The following TPTE2 variants were observed in gnomAD, a reference collection of about 807,000 sequenced individuals.
The protein encoded by TPTE2 is phosphatidylinositol 3,4,5-trisphosphate 3-phosphatase TPTE2.
Under a neutral mutation model 78.6 loss-of-function variants are expected in TPTE2, and 53 were observed. The ratio of observed to expected loss-of-function variants is 0.67; its 90% CI spans 0.54 to 0.85. The LOEUF (loss-of-function observed/expected upper bound fraction) is 0.85, where lower values mean the gene tolerates loss of function less well. Among genes scored for constraint, TPTE2 ranks in the 40% least tolerant of loss-of-function variants. The pLI is 0.00. For synonymous variants in TPTE2, 175 were observed against 206.2 expected, an observed-to-expected ratio of 0.85 and a Z score of 1.30; for missense variants, 461 against 623.0, an observed-to-expected ratio of 0.74 and a Z score of 2.77.
At chr13:19,438,327 C>A in intron 13 of TPTE2, 174 bp from the exon 17 acceptor site, 19 of 985,398 alleles carry the variant, frequency 1.9e-5, no homozygotes, top group Non-Finnish European at 2.2e-5. Flanking sequence ...ACCTCCGCCT[C>A]ACAGGTGAAA....
At chr13:19,559,004 G>A in the TPTE2 span, among the ~76,000 whole-genome samples, 3 of 152,072 alleles carry the variant, frequency 2.0e-5, no homozygotes, top group Non-Finnish European at 4.4e-5. Flanking sequence ...AAAAAGTCTA[G>A]TCAAATAAGA....
At chr13:19,495,940 C>G (rs1881285513) in intron 1 of TPTE2, among the ~76,000 whole-genome samples, 1 of 152,146 alleles carries the variant, frequency 6.6e-6, no homozygotes, top group African/African-American at 2.4e-5. Flanking sequence ...ATGATCTCAG[C>G]TCACTGCAAC....
At chr13:19,558,284 C>G in the TPTE2 span, among the ~76,000 whole-genome samples, 1 of 152,112 alleles carries the variant, frequency 6.6e-6, no homozygotes, top group Non-Finnish European at 1.5e-5. Flanking sequence ...ACCCTAATGC[C>G]CCCAGAATGT....
intron 4 of TPTE2, among the ~76,000 whole-genome samples, chr13:19,478,850 G>A (rs1378559651): frequency 6.6e-6 from 1 of 152,158 alleles, no homozygotes; most frequent in African/African-American, 2.4e-5. Context: ...ATGAGTTCAT[G>A]TCCTTTGTAG....
chr13:19,525,459 C>T (rs765318311), intron 1 of TPTE2, among the ~76,000 whole-genome samples: 6 of 152,272 alleles, frequency 3.9e-5, no homozygotes, highest in Non-Finnish European at 5.9e-5. Context: ...GGACTTCCTA[C>T]TCAACAAATG....
intron 3 of TPTE2, among the ~76,000 whole-genome samples, chr13:19,487,658 T>C (rs1880741606): frequency 6.6e-6 from 1 of 152,118 alleles, no homozygotes; most frequent in South Asian, 2.1e-4. Context: ...TCCACACAGC[T>C]GGGATTGTGG....
chr13:19,457,769 G>GT, intron 10 of TPTE2, among the ~76,000 whole-genome samples: 1 of 151,776 alleles, frequency 6.6e-6, no homozygotes, highest in Non-Finnish European at 1.5e-5. Context: ...TTTTGTTGTT[G>GT]TTTTTTTAAG....
intron 13 of TPTE2, among the ~76,000 whole-genome samples, chr13:19,447,776 G>A (rs1018947933): frequency 2.6e-5 from 4 of 152,134 alleles, no homozygotes; most frequent in African/African-American, 9.7e-5. Flanking sequence ...ACCTGAATGA[G>A]AGAAAATCTA....
exon 6 of TPTE2, chr13:19,474,030 A>G: frequency 6.2e-7 from 1 of 1,609,070 alleles, no homozygotes; most frequent in Non-Finnish European, 8.5e-7. Context: ...TTAGGTCGGC[A>G]AGGAGGAGAG....
chr13:19,432,177 C>T (rs1455665985), intron 16 of TPTE2, among the ~76,000 whole-genome samples: 4 of 29,712 alleles, frequency 1.3e-4, no homozygotes, highest in South Asian at 1.1e-3. Context: ...TCCCTCTGCC[C>T]GGAAAAGTCC....
chr13:19,461,173 G>C (rs7492288), intron 10 of TPTE2, among the ~76,000 whole-genome samples: 11 of 152,038 alleles, frequency 7.2e-5, no homozygotes, highest in African/African-American at 2.7e-4. Flanking sequence ...CTGCCGTCAC[G>C]TGAACAGGCC....
chr13:19,546,154 C>T, the TPTE2 span, among the ~76,000 whole-genome samples: 1 of 152,112 alleles, frequency 6.6e-6, no homozygotes, highest in African/African-American at 2.4e-5. Context: ...GCTGTGATTA[C>T]ACCACTGCAC....
At chr13:19,454,988 C>G (rs1878452158) in intron 10 of TPTE2, among the ~76,000 whole-genome samples, 1 of 152,230 alleles carries the variant, frequency 6.6e-6, no homozygotes, top group Admixed American at 6.5e-5. Flanking sequence ...TGGCTGCCCT[C>G]AAGTGCCATG....
intron 1 of TPTE2, among the ~76,000 whole-genome samples, chr13:19,497,527 C>A (rs1263915128): frequency 7.7e-5 from 6 of 78,222 alleles, no homozygotes; most frequent in Non-Finnish European, 1.7e-4. Context: ...GAGGCACCCC[C>A]CAGCAGGGGC....
At chr13:19,487,279 C>G (rs1408377346) in intron 3 of TPTE2, among the ~76,000 whole-genome samples, 1 of 152,014 alleles carries the variant, frequency 6.6e-6, no homozygotes, top group African/African-American at 2.4e-5. Context: ...GTCTGAGACA[C>G]AGGTGCAAGG....
chr13:19,478,758 G>C (rs9550399), intron 4 of TPTE2, among the ~76,000 whole-genome samples: 147,549 of 151,186 alleles, frequency 0.98, 72,077 homozygotes, highest in East Asian at 1. Flanking sequence ...TTGGAACCAA[G>C]CCAAATGTCC....
At chr13:19,435,141 A>C (rs1271319396) in intron 15 of TPTE2, among the ~76,000 whole-genome samples, 1 of 152,240 alleles carries the variant, frequency 6.6e-6, no homozygotes, top group Non-Finnish European at 1.5e-5. Flanking sequence ...AAAGAGACTT[A>C]GGAGACACAG....
At chr13:19,561,050 A>G in the TPTE2 span, 1 of 1,575,302 alleles carries the variant, frequency 6.3e-7, no homozygotes, top group Non-Finnish European at 8.6e-7. Context: ...GGAGCTGAGC[A>G]CCAGCTTCCC....
chr13:19,459,133 T>C (rs1878727552), intron 10 of TPTE2, among the ~76,000 whole-genome samples: 1 of 152,196 alleles, frequency 6.6e-6, no homozygotes, highest in Non-Finnish European at 1.5e-5. Flanking sequence ...TGAGATGGTA[T>C]CTCATTGTGG....
Sources: gnomAD v4.1 joint callset for allele counts (sites outside exome capture counted in the v4.1 genomes callset) on GRCh38, gnomAD v4.1.1 for gene constraint, MANE v1.5 for transcripts, NCBI Gene and HGNC (gene_info 2026-07-23, HGNC 2026-07-21) for gene names.